Variants in NUDT16L1 observed in about 807,000 individuals in gnomAD.
NUDT16L1 encodes nudix hydrolase 16 like 1.
In NUDT16L1, 19 loss-of-function variants were observed where a neutral mutation model predicts 17.3. That is an observed-to-expected ratio of 1.10 (90% confidence interval 0.77 to 1.61). The LOEUF is 1.61. NUDT16L1 is among the 40% of genes most tolerant of loss of function. NUDT16L1 has a pLI of 0.00. For synonymous variants in NUDT16L1, 255 were observed against 138.6 expected, an observed-to-expected ratio of 1.84 and a Z score of -5.90; for missense variants, 341 against 292.0, an observed-to-expected ratio of 1.17 and a Z score of -1.22.
At chr16:4,695,403 C>G in exon 3 of NUDT16L1, 2 of 597,728 alleles carry the variant, frequency 3.3e-6, no homozygotes, top group Non-Finnish European at 3.0e-6. Flanking sequence ...GCACACTGGG[C>G]CTGCCTCTCC....
chr16:4,694,666 C>T (rs995504729), intron 2 of NUDT16L1: 2 of 1,405,958 alleles, frequency 1.4e-6, no homozygotes, highest in African/African-American at 1.5e-5. Flanking sequence ...TGCGGGTGTT[C>T]AGGCTTCGTT....
At chr16:4,693,713 G>C (rs765250549) in exon 1 of NUDT16L1, 25 of 1,493,066 alleles carry the variant, frequency 1.7e-5, no homozygotes, top group Middle Eastern at 2.0e-4. Flanking sequence ...GGCGGGGACG[G>C]GGTCAGTGCC....
chr16:4,695,168 GCCT>G lies in NUDT16L1; in HGVS notation c.630_632del (p.Ser211del), dbSNP rs769413898. 4 of 1,612,520 alleles carry G rather than the reference GCCT, an allele frequency of 2.5e-6. No homozygotes were observed. The East Asian group carries it at 8.9e-5, about 36-fold the overall frequency. ...GAAGGCCCTGGAGAAGTTGCTCCCG[GCCT>G]CCTCTTGAGGGCTGCCTGAGCTGGT... On this transcript the variant is annotated inframe_deletion, in exon 3 of 3. Coordinates refer to ENST00000304301, the Ensembl canonical transcript of NUDT16L1.
At chr16:4,693,647 C>A (rs1252240770), upstream of NUDT16L1, 19 of 1,321,194 alleles carry the variant, frequency 1.4e-5, no homozygotes, top group Non-Finnish European at 1.7e-5. Flanking sequence ...GCGCGGCCGC[C>A]CGCGGATTGG....
chr16:4,693,622 G>T (rs571900522), upstream of NUDT16L1: 1,031 of 1,259,880 alleles, frequency 8.2e-4, 9 homozygotes, highest in African/African-American at 0.015. Flanking sequence ...ATTGGCGGGG[G>T]AACCGGACCC....
rs770053173 is a variant in NUDT16L1, at chr16:4,695,000, C to T, written c.457C>T (p.Arg153Ter). 3 of 1,612,126 alleles carry T rather than the reference C, an allele frequency of 1.9e-6. No homozygotes were observed. The highest frequency in any genetic ancestry group is 3.3e-5 in the Admixed American group (2 of 60,002). The change falls in exon 3 of 3, where the codon CGA becomes TGA. Residue 153 changes from arginine (R) to a stop codon, truncating the protein, a stop_gained. Coordinates refer to ENST00000304301, the Ensembl canonical transcript of NUDT16L1. LOFTEE classifies it high-confidence loss of function. ...GGTCCCGCTGTACACCCAGAAGGACCGAGTCGGAGGCTTCCCCAACTTCCT... is the reference window on the plus strand; with the variant it reads ...GGTCCCGCTGTACACCCAGAAGGACTGAGTCGGAGGCTTCCCCAACTTCCT...
At chr16:4,694,223 C>T in exon 2 of NUDT16L1, 1 of 1,510,134 alleles carries the variant, frequency 6.6e-7, no homozygotes, top group Non-Finnish European at 8.8e-7. Context: ...TGCACTCGCG[C>T]GACCACGGCC....
At chr16:4,694,259 C>T in intron 2 of NUDT16L1, 21 bp downstream of exon 2, 1 of 1,458,064 alleles carries the variant, frequency 6.9e-7, no homozygotes, top group Non-Finnish European at 9.0e-7. Context: ...CGCCCGGGCC[C>T]CGCCCCCCGC....
At chr16:4,694,451 C>T (rs1038767119) in intron 2 of NUDT16L1, 4 of 1,523,546 alleles carry the variant, frequency 2.6e-6, no homozygotes, top group African/African-American at 1.4e-5. Context: ...TCCCTCAGGG[C>T]TGTGTTACAT....
intron 2 of NUDT16L1, chr16:4,694,589 CTT>C: frequency 7.0e-7 from 1 of 1,436,174 alleles, no homozygotes; most frequent in Non-Finnish European, 9.1e-7. Flanking sequence ...GGTTGTAAAA[CTT>C]GGGAACCTCA....
chr16:4,695,551 T>G (rs566132376), exon 3 of NUDT16L1: 1 of 454,790 alleles, frequency 2.2e-6, no homozygotes, highest in East Asian at 3.3e-5. Context: ...AGATGGGATG[T>G]GTGGGTGGAG....
chr16:4,693,703 G>C (rs1172254168), exon 1 of NUDT16L1: 19 of 1,479,998 alleles, frequency 1.3e-5, no homozygotes, highest in Non-Finnish European at 1.6e-5. Context: ...AAGTGGCAGC[G>C]GCGGGGACGG....
exon 1 of NUDT16L1, chr16:4,693,732 G>A: frequency 1.3e-6 from 2 of 1,534,058 alleles, no homozygotes; most frequent in Non-Finnish European, 1.7e-6. Flanking sequence ...CCAAGATGTC[G>A]ACGGCGGCGG....
chr16:4,694,116 A>T (rs761277330), exon 2 of NUDT16L1: 1 of 1,589,680 alleles, frequency 6.3e-7, no homozygotes. Context: ...CGACTACCTG[A>T]GCTCGCACCT....
chr16:4,694,603 G>T, intron 2 of NUDT16L1: 1 of 1,432,332 alleles, frequency 7.0e-7, no homozygotes, highest in East Asian at 2.6e-5. Context: ...GGAACCTCAT[G>T]TTGGGCGTGA....
At chr16:4,694,498 G>C in intron 2 of NUDT16L1, 1 of 1,519,360 alleles carries the variant, frequency 6.6e-7, no homozygotes, top group Non-Finnish European at 8.8e-7. Context: ...CCTGGGAGTG[G>C]GGGAGTGGGA....
chr16:4,693,918 G>A (rs749122118), intron 1 of NUDT16L1, 39 bp downstream of exon 1: 5 of 1,484,164 alleles, frequency 3.4e-6, no homozygotes, highest in Non-Finnish European at 4.4e-6. Flanking sequence ...GTGCCGGCGC[G>A]GGCGGGCCCG....
At chr16:4,694,162 A>C (rs1477693869) in exon 2 of NUDT16L1, 5 of 1,584,430 alleles carry the variant, frequency 3.2e-6, no homozygotes, top group Non-Finnish European at 3.4e-6. Flanking sequence ...GCGCACCTGT[A>C]CGCGCGGCAG....
intron 1 of NUDT16L1, 41 bp from the exon 2 acceptor site, chr16:4,693,937 C>T (rs769322400): frequency 6.7e-6 from 10 of 1,503,460 alleles, no homozygotes; most frequent in Admixed American, 2.5e-5. Context: ...CGGGCGGGGG[C>T]GTCCGTCGAC....
Sources: gnomAD v4.1 joint callset for allele counts on GRCh38, gnomAD v4.1.1 for gene constraint, MANE v1.5 for transcripts, NCBI Gene and HGNC (gene_info 2026-07-23, HGNC 2026-07-21) for gene names.